DIAPH2: variants seen among roughly 807,000 people sequenced by gnomAD.
The protein encoded by DIAPH2 is diaphanous related formin 2.
In DIAPH2, 35 loss-of-function variants were observed where a neutral mutation model predicts 92.7. The observed-to-expected ratio is 0.38, with a 90% CI of 0.29 to 0.50. The LOEUF is 0.50. Ranked by LOEUF, DIAPH2 falls within the 20% of genes least tolerant of loss-of-function variation. The pLI is 0.94. For synonymous variants in DIAPH2, 301 were observed against 280.4 expected (o/e 1.07, Z -0.73); for missense variants, 701 against 819.5 (o/e 0.86, Z 1.77).
intron 4 of DIAPH2, among the ~76,000 whole-genome samples, chrX:96,818,050 C>G (rs2064750323): frequency 1.0e-4 from 1 of 9,868 alleles, no homozygotes; most frequent in Non-Finnish European, 1.8e-4. Context: ...GGCGCGATCT[C>G]GGCTCACTGC....
chrX:96,945,646 A>G, intron 14 of DIAPH2, 55 bp downstream of exon 14: 1 of 827,344 alleles, frequency 1.2e-6, no homozygotes, highest in Non-Finnish European at 1.7e-6. Context: ...AATCACAGTA[A>G]TACTCTACCT....
chrX:97,000,578 C>T (rs914386290), intron 17 of DIAPH2, among the ~76,000 whole-genome samples: 2 of 108,008 alleles, frequency 1.9e-5, no homozygotes, highest in Non-Finnish European at 3.8e-5. Context: ...TCAAAACCAG[C>T]CTGAGCAACA....
In DIAPH2 at chrX:97,525,071, G is replaced by A. The variant is rs2071016018; in HGVS notation, c.3242-74182G>A. 1.8e-5 allele frequency among the ~76,000 whole-genome samples: 2 copies of A among 111,976 alleles called. 1 individual carries two copies. The highest frequency in any genetic ancestry group is 1.9e-4 in the Admixed American group (2 of 10,524). ...ACCATCCAGCTACTCACTCTAGCAGGGAACTGGGTGTGAACCTTGATTCTT... is the reference window on the plus strand; with the variant it reads ...ACCATCCAGCTACTCACTCTAGCAGAGAACTGGGTGTGAACCTTGATTCTT... On this transcript the variant is annotated intron_variant, in intron 26 of 26. Transcript: ENST00000324765.
At chrX:97,030,544 A>G (rs922597571) in intron 17 of DIAPH2, among the ~76,000 whole-genome samples, 1 of 111,248 alleles carries the variant, frequency 9.0e-6, no homozygotes, top group African/African-American at 3.3e-5. Flanking sequence ...GCGTACATGT[A>G]CCATGCCTTC....
At chrX:97,157,796 G>A (rs2067335618) in intron 22 of DIAPH2, among the ~76,000 whole-genome samples, 1 of 112,037 alleles carries the variant, frequency 8.9e-6, no homozygotes, top group African/African-American at 3.2e-5. Context: ...AAAACAAAGT[G>A]TCTAGCAGAA....
intron 22 of DIAPH2, among the ~76,000 whole-genome samples, chrX:97,188,561 A>G (rs760661492): frequency 8.9e-6 from 1 of 112,337 alleles, no homozygotes; most frequent in East Asian, 2.8e-4. Flanking sequence ...AAAAATTACT[A>G]GAAGTTTGTT....
At chrX:97,251,715 G>A (rs5920878) in intron 23 of DIAPH2, among the ~76,000 whole-genome samples, 2,566 of 111,770 alleles carry the variant, frequency 0.023, 29 homozygotes, top group Middle Eastern at 0.041. Flanking sequence ...GAGCCACAGC[G>A]CCCGGCCTAT....
chrX:97,437,975 A>T (rs1291877728), intron 26 of DIAPH2, among the ~76,000 whole-genome samples: 1 of 109,971 alleles, frequency 9.1e-6, no homozygotes, highest in African/African-American at 3.3e-5. Flanking sequence ...CAGAAAGAAA[A>T]AAAAATTAGG....
At chrX:97,055,009 T>TTTTATTTATTTA (rs201638453) in intron 17 of DIAPH2, among the ~76,000 whole-genome samples, 2 of 110,202 alleles carry the variant, frequency 1.8e-5, no homozygotes, top group African/African-American at 6.6e-5. Context: ...TTCTTTTTAA[T>TTTTATTTATTTA]TTTATTTATT....
intron 26 of DIAPH2, among the ~76,000 whole-genome samples, chrX:97,596,653 A>G (rs751428704): frequency 2.2e-4 from 25 of 111,794 alleles, no homozygotes; most frequent in Admixed American, 1.9e-4. Flanking sequence ...AAATTAATGT[A>G]TATCACCTCT....
intron 23 of DIAPH2, among the ~76,000 whole-genome samples, chrX:97,253,528 A>T (rs989076540): frequency 1.8e-5 from 2 of 109,375 alleles, no homozygotes; most frequent in African/African-American, 6.6e-5. Flanking sequence ...CGGGTGGATG[A>T]CTAGGTGAGG....
At chrX:97,500,751 G>C (rs962498466) in intron 26 of DIAPH2, among the ~76,000 whole-genome samples, 1 of 79,843 alleles carries the variant, frequency 1.3e-5, no homozygotes, top group Admixed American at 1.7e-4. Context: ...TTTCACAACA[G>C]CCATTCAAGG....
At chrX:97,575,390 G>A (rs760471548) in intron 26 of DIAPH2, among the ~76,000 whole-genome samples, 1 of 112,298 alleles carries the variant, frequency 8.9e-6, no homozygotes, top group Admixed American at 9.4e-5. Context: ...GTGTGTGTTT[G>A]TCTCCAAATG....
At chrX:96,965,560 C>T (rs755583638) in intron 17 of DIAPH2, among the ~76,000 whole-genome samples, 1 of 111,274 alleles carries the variant, frequency 9.0e-6, no homozygotes. Context: ...TAAGAGAACA[C>T]TAAAGTCTCA....
chrX:97,207,262 G>T (rs1232317329), intron 22 of DIAPH2, among the ~76,000 whole-genome samples: 2 of 112,102 alleles, frequency 1.8e-5, no homozygotes, highest in Non-Finnish European at 3.8e-5. Context: ...TTAATGCCAT[G>T]TAACAATGTT....
chrX:97,557,990 A>G (rs191175082), intron 26 of DIAPH2, among the ~76,000 whole-genome samples: 16 of 112,668 alleles, frequency 1.4e-4, no homozygotes, highest in Admixed American at 1.3e-3. Flanking sequence ...GGAGTTTGCT[A>G]AACCAAGGTA....
At chrX:97,168,569 A>G (rs1458789283) in intron 22 of DIAPH2, among the ~76,000 whole-genome samples, 1 of 111,775 alleles carries the variant, frequency 8.9e-6, no homozygotes, top group Non-Finnish European at 1.9e-5. Context: ...TGGCAGTGAA[A>G]AAAATACATT....
chrX:97,070,041 A>G (rs1447184740), intron 17 of DIAPH2, among the ~76,000 whole-genome samples: 1 of 111,637 alleles, frequency 9.0e-6, no homozygotes, highest in Non-Finnish European at 1.9e-5. Context: ...GAGTATCTTG[A>G]TGTTAACATA....
intron 17 of DIAPH2, among the ~76,000 whole-genome samples, chrX:96,973,285 C>T (rs2065938673): frequency 9.0e-6 from 1 of 111,137 alleles, no homozygotes; most frequent in Admixed American, 9.5e-5. Flanking sequence ...ATCATTTGGA[C>T]TCAGGACTTT....
Sources: allele counts gnomAD v4.1 joint callset (sites outside exome capture counted in the v4.1 genomes callset), GRCh38; gene constraint gnomAD v4.1.1; transcripts MANE v1.5; gene names NCBI Gene and HGNC (gene_info 2026-07-23, HGNC 2026-07-21).